The following PCYT1B variants were observed in gnomAD, a reference collection of about 807,000 sequenced individuals.
The protein encoded by PCYT1B is choline-phosphate cytidylyltransferase B.
A neutral mutation model predicts 26.4 loss-of-function variants in PCYT1B; 10 were observed. That is an observed-to-expected ratio of 0.38 (90% CI 0.23 to 0.64). The LOEUF (loss-of-function observed/expected upper bound fraction) is 0.64. Ranked by LOEUF, PCYT1B falls within the 30% of genes least tolerant of loss-of-function variation. PCYT1B has a pLI of 0.56. For missense variants in PCYT1B, 161 were observed against 292.7 expected (o/e 0.55, Z 3.28); for synonymous variants, 131 against 108.4 (o/e 1.21, Z -1.29).
intron 7 of PCYT1B, among the ~76,000 whole-genome samples, chrX:24,573,957 A>C (rs1923939059): frequency 9.0e-6 from 1 of 111,125 alleles, no homozygotes; most frequent in African/African-American, 3.3e-5. Flanking sequence ...CCACGTCTAT[A>C]ATCACTTAGA....
intron 3 of PCYT1B, among the ~76,000 whole-genome samples, chrX:24,606,140 G>A (rs1925128886): frequency 9.1e-6 from 1 of 110,054 alleles, no homozygotes; most frequent in South Asian, 3.9e-4. Context: ...CTAGAGAGCT[G>A]CTGATATTAA....
chrX:24,566,410 T>C (rs1923631947), intron 7 of PCYT1B, among the ~76,000 whole-genome samples: 1 of 112,052 alleles, frequency 8.9e-6, no homozygotes, highest in South Asian at 3.7e-4. Flanking sequence ...AAAATGATTT[T>C]AGAACACTAT....
At chrX:24,597,539 C>A (rs1346307870) in intron 3 of PCYT1B, among the ~76,000 whole-genome samples, 1 of 112,180 alleles carries the variant, frequency 8.9e-6, no homozygotes, top group Non-Finnish European at 1.9e-5. Flanking sequence ...TCTCTGGGTC[C>A]AAAGCCATGC....
chrX:24,588,968 T>A (rs1167624278), intron 4 of PCYT1B, among the ~76,000 whole-genome samples: 1 of 111,413 alleles, frequency 9.0e-6, no homozygotes, highest in Non-Finnish European at 1.9e-5. Flanking sequence ...CAATGTATAA[T>A]AACAACTTCT....
chrX:24,573,504 C>T (rs1391345783), intron 7 of PCYT1B, among the ~76,000 whole-genome samples: 1 of 110,815 alleles, frequency 9.0e-6, no homozygotes, highest in African/African-American at 3.3e-5. Context: ...GTTACTATAC[C>T]AACTCTTATC....
intron 3 of PCYT1B, among the ~76,000 whole-genome samples, chrX:24,590,678 C>T (rs1395991723): frequency 9.0e-6 from 1 of 110,530 alleles, no homozygotes; most frequent in East Asian, 2.8e-4. Flanking sequence ...AATACATATA[C>T]TTCTGTTCCC....
chrX:24,643,886 T>G (rs1926539963), intron 1 of PCYT1B, among the ~76,000 whole-genome samples: 1 of 112,051 alleles, frequency 8.9e-6, no homozygotes, highest in South Asian at 3.7e-4. Flanking sequence ...TGCAAATATT[T>G]CATACACTTT....
intron 3 of PCYT1B, among the ~76,000 whole-genome samples, chrX:24,590,887 G>A (rs1456090162): frequency 9.8e-6 from 1 of 101,582 alleles, no homozygotes; most frequent in Non-Finnish European, 2.0e-5. Context: ...TTCGCCTCCC[G>A]GGTTCACGCC....
chrX:24,587,924 G>A (rs1484160667), intron 4 of PCYT1B, among the ~76,000 whole-genome samples: 2 of 112,582 alleles, frequency 1.8e-5, no homozygotes, highest in African/African-American at 6.4e-5. Context: ...CGGGCTGCCA[G>A]GGCACCAGGC....
rs948382444 is a variant in PCYT1B, at chrX:24,590,683, G to A, written c.335-509C>T. Reference sequence around the variant, plus strand: ...CACACACACAAATACATATACTTCTGTTCCCTGGATTGAGGGCCAGTCACT... The same window carrying A: ...CACACACACAAATACATATACTTCTATTCCCTGGATTGAGGGCCAGTCACT... On this transcript the variant is annotated intron_variant, in intron 3 of 7. Transcript: ENST00000379144. Among the ~76,000 whole-genome samples the A allele has an allele frequency of 4.5e-5, 5 of 110,059 alleles. No individual in the cohort carries two copies. In the Admixed American group the frequency reaches 4.9e-4, roughly 11 times the overall value.
At chrX:24,643,918 A>C (rs1038160170) in intron 1 of PCYT1B, among the ~76,000 whole-genome samples, 9 of 112,122 alleles carry the variant, frequency 8.0e-5, no homozygotes, top group African/African-American at 2.6e-4. Flanking sequence ...TAAGCAACTC[A>C]GTAGCCACAC....
chrX:24,602,157 C>T (rs1285982071), intron 3 of PCYT1B, among the ~76,000 whole-genome samples: 1 of 112,041 alleles, frequency 8.9e-6, no homozygotes, highest in Non-Finnish European at 1.9e-5. Context: ...GAACATTATT[C>T]AGCGCCAAAA....
chrX:24,625,067 C>T (rs756345973), intron 1 of PCYT1B, among the ~76,000 whole-genome samples: 321 of 111,928 alleles, frequency 2.9e-3, no homozygotes, highest in African/African-American at 1.0e-2. Flanking sequence ...AGTGAATTAC[C>T]CAGAGTAACT....
intron 1 of PCYT1B, among the ~76,000 whole-genome samples, chrX:24,662,591 C>T (rs1401370073): frequency 8.9e-6 from 1 of 111,935 alleles, no homozygotes; most frequent in East Asian, 2.8e-4. Flanking sequence ...ACAGGGAGGC[C>T]TGTGAAGAGT....
At chrX:24,589,945 T>G in intron 4 of PCYT1B, 78 bp downstream of exon 4, 1 of 851,493 alleles carries the variant, frequency 1.2e-6, no homozygotes. Context: ...AGAGAGACTT[T>G]GGGCTTTCCG....
chrX:24,572,264 GCGCACA>G (rs1923854811), intron 7 of PCYT1B, among the ~76,000 whole-genome samples: 2 of 101,303 alleles, frequency 2.0e-5, no homozygotes, highest in Non-Finnish European at 2.0e-5. Flanking sequence ...ACACACGCGC[GCGCACA>G]CACACACACA....
At chrX:24,616,051 T>C (rs956428438) in intron 2 of PCYT1B, among the ~76,000 whole-genome samples, 2 of 110,825 alleles carry the variant, frequency 1.8e-5, no homozygotes, top group African/African-American at 6.6e-5. Flanking sequence ...ACAATAATAG[T>C]CATCTCACAT....
chrX:24,600,767 G>C (rs905305473), intron 3 of PCYT1B, among the ~76,000 whole-genome samples: 4 of 111,242 alleles, frequency 3.6e-5, no homozygotes, highest in Non-Finnish European at 7.5e-5. Flanking sequence ...CAGTAATCAA[G>C]ACAGTGTGGT....
chrX:24,630,497 G>A (rs764748954), intron 1 of PCYT1B, among the ~76,000 whole-genome samples: 88 of 111,153 alleles, frequency 7.9e-4, no homozygotes, highest in Admixed American at 4.6e-3. Flanking sequence ...GGGTTTCACC[G>A]TGTCACCCAG....
Sources: allele counts gnomAD v4.1 joint callset (sites outside exome capture counted in the v4.1 genomes callset), GRCh38; gene constraint gnomAD v4.1.1; transcripts MANE v1.5; gene names NCBI Gene and HGNC (gene_info 2026-07-23, HGNC 2026-07-21).